The following SEMA3E variants were observed in gnomAD, a reference collection of about 807,000 sequenced individuals.
The protein encoded by SEMA3E is semaphorin-3E.
In SEMA3E, 49 loss-of-function variants were observed where a neutral mutation model predicts 93.6. The observed-to-expected ratio is 0.52, with a 90% CI of 0.42 to 0.66. The LOEUF (loss-of-function observed/expected upper bound fraction) is 0.66. Among genes scored for constraint, SEMA3E ranks in the 30% least tolerant of loss-of-function variants. The probability of loss-of-function intolerance (pLI) is 0.00; values close to 1 mark genes in which losing one functional copy is unlikely to be tolerated. For synonymous variants in SEMA3E, 363 were observed against 330.7 expected (o/e 1.10, Z -1.06); for missense variants, 906 against 964.8 (o/e 0.94, Z 0.81).
intron 1 of SEMA3E, among the ~76,000 whole-genome samples, chr7:83,529,217 A>G (rs1395722559): frequency 1.3e-5 from 2 of 152,128 alleles, no homozygotes; most frequent in South Asian, 4.1e-4. Context: ...TCTACCACGG[A>G]GCACTCTAAC....
chr7:83,378,834 A>G (rs1787713706), intron 16 of SEMA3E, among the ~76,000 whole-genome samples: 2 of 151,890 alleles, frequency 1.3e-5, no homozygotes, highest in Admixed American at 6.6e-5. Flanking sequence ...GAAAAACAAT[A>G]TAGAGATTTC....
intron 4 of SEMA3E, among the ~76,000 whole-genome samples, chr7:83,459,918 C>T (rs1306263198): frequency 6.6e-6 from 1 of 152,138 alleles, no homozygotes; most frequent in Non-Finnish European, 1.5e-5. Context: ...ACCTTGCGAC[C>T]CCCACTCCTG....
At chr7:83,495,712 A>G (rs1476765146) in intron 1 of SEMA3E, among the ~76,000 whole-genome samples, 2 of 152,014 alleles carry the variant, frequency 1.3e-5, no homozygotes, top group Non-Finnish European at 2.9e-5. Context: ...GTGAATTTGC[A>G]TAAAAAGAAT....
chr7:83,490,679 G>C (rs1790365325), intron 1 of SEMA3E, among the ~76,000 whole-genome samples: 2 of 152,034 alleles, frequency 1.3e-5, no homozygotes, highest in South Asian at 4.1e-4. Context: ...CTTGAAATTG[G>C]TTTTGATAGT....
Position 83,407,240 on chromosome 7 carries a change from C to G in SEMA3E, c.671-1G>C, listed in dbSNP as rs1484674914. On this transcript the variant is annotated splice_acceptor_variant, in intron 6 of 16. Coordinates refer to ENST00000643230, the MANE Select transcript of SEMA3E (RefSeq NM_012431.3). LOFTEE classifies it high-confidence loss of function. ...ATGTATGAACCTACAAATTTTGGTT[C>G]TATAGGAGCAAAAAATAGGAGAAAA... 8 of 1,611,766 alleles carry G rather than the reference C, an allele frequency of 5.0e-6. No individual in the cohort carries two copies. The highest frequency in any genetic ancestry group is 6.8e-6 in the Non-Finnish European group (8 of 1,178,966).
intron 2 of SEMA3E, among the ~76,000 whole-genome samples, chr7:83,486,459 A>C (rs1483552832): frequency 6.6e-6 from 1 of 152,170 alleles, no homozygotes; most frequent in Non-Finnish European, 1.5e-5. Flanking sequence ...TTGAGACAGT[A>C]AAGTCCAGAC....
rs1376198557 is a variant in SEMA3E, at chr7:83,639,146, A to G, written c.115+9282T>C. ...AAAAAAAAAAAAAAAAAAAACAGAG[A>G]TTCCTGAGCCTCAGAATTATTGATT... On this transcript the variant is annotated intron_variant, in intron 1 of 16. Coordinates refer to ENST00000643230, the MANE Select transcript of SEMA3E (RefSeq NM_012431.3). Among the ~76,000 whole-genome samples, 10 of 140,362 alleles carry G rather than the reference A, an allele frequency of 7.1e-5. No homozygotes were observed. The Admixed American group carries it at 7.3e-4, about 10-fold the overall frequency. 92.1% of individuals were successfully genotyped at this position (140,362 alleles called of 152,430 possible).
At chr7:83,466,226 G>A (rs1789752871) in intron 4 of SEMA3E, among the ~76,000 whole-genome samples, 1 of 152,124 alleles carries the variant, frequency 6.6e-6, no homozygotes, top group Non-Finnish European at 1.5e-5. Flanking sequence ...GATGTTAAGA[G>A]ATGTTCTTAG....
chr7:83,461,335 C>G (rs1789612008), intron 4 of SEMA3E, among the ~76,000 whole-genome samples: 1 of 152,166 alleles, frequency 6.6e-6, no homozygotes, highest in African/African-American at 2.4e-5. Context: ...CTCTCCCTTC[C>G]TCCCCAGGCT....
chr7:83,418,343 T>G, intron 5 of SEMA3E, 47 bp downstream of exon 5: 1 of 1,322,748 alleles, frequency 7.6e-7, no homozygotes. Flanking sequence ...ATATATGTTT[T>G]AAAATCCTTA....
intron 9 of SEMA3E, 38 bp downstream of exon 9, chr7:83,405,412 G>A: frequency 6.9e-7 from 1 of 1,454,262 alleles, no homozygotes; most frequent in Non-Finnish European, 9.7e-7. Flanking sequence ...GGCATCTCTT[G>A]TTCTATATTG....
At chr7:83,537,456 G>A (rs922367068) in intron 1 of SEMA3E, among the ~76,000 whole-genome samples, 3 of 152,092 alleles carry the variant, frequency 2.0e-5, no homozygotes, top group East Asian at 1.9e-4. Flanking sequence ...TGTCACAAAC[G>A]GTGAAGGGAG....
At chr7:83,531,297 T>A (rs886485091) in intron 1 of SEMA3E, among the ~76,000 whole-genome samples, 1 of 146,868 alleles carries the variant, frequency 6.8e-6, no homozygotes, top group African/African-American at 2.5e-5. Context: ...TTTTTTTTTT[T>A]AACAAGTTAT....
At chr7:83,391,267 T>C (rs139315732) in intron 14 of SEMA3E, among the ~76,000 whole-genome samples, 85 of 152,272 alleles carry the variant, frequency 5.6e-4, no homozygotes, top group African/African-American at 2.0e-3. Context: ...CTTAATCCAA[T>C]AGCTCATTCA....
At chr7:83,484,815 C>T (rs559887700) in intron 2 of SEMA3E, among the ~76,000 whole-genome samples, 27 of 152,026 alleles carry the variant, frequency 1.8e-4, no homozygotes, top group African/African-American at 4.8e-4. Context: ...AAATTATGAT[C>T]AAATAAAGCT....
At chr7:83,447,169 C>A (rs1381367949) in intron 4 of SEMA3E, among the ~76,000 whole-genome samples, 1 of 152,068 alleles carries the variant, frequency 6.6e-6, no homozygotes, top group Non-Finnish European at 1.5e-5. Context: ...ATATACTGAT[C>A]AATTAATCAA....
At chr7:83,622,451 A>G (rs995060062) in intron 1 of SEMA3E, among the ~76,000 whole-genome samples, 6 of 152,204 alleles carry the variant, frequency 3.9e-5, no homozygotes, top group Non-Finnish European at 8.8e-5. Context: ...AACCAGAAAT[A>G]CCATTTGGCC....
chr7:83,430,703 G>C (rs1788863342), intron 4 of SEMA3E, among the ~76,000 whole-genome samples: 1 of 152,072 alleles, frequency 6.6e-6, no homozygotes, highest in African/African-American at 2.4e-5. Context: ...GGGAGGGAGA[G>C]CATTAGGACA....
chr7:83,369,229 A>C (rs556406783), intron 16 of SEMA3E, among the ~76,000 whole-genome samples: 1 of 148,470 alleles, frequency 6.7e-6, no homozygotes, highest in South Asian at 2.1e-4. Flanking sequence ...GGCAATAATT[A>C]CAAACAATTT....
Sources: allele counts gnomAD v4.1 joint callset (sites outside exome capture counted in the v4.1 genomes callset), GRCh38; gene constraint gnomAD v4.1.1; transcripts MANE v1.5; gene names NCBI Gene and HGNC (gene_info 2026-07-23, HGNC 2026-07-21).